HSBP1: variants seen among roughly 807,000 people sequenced by gnomAD.
The protein encoded by HSBP1 is heat shock factor-binding protein 1.
In HSBP1, 5 loss-of-function variants were observed where a neutral mutation model predicts 9.6. The ratio of observed to expected loss-of-function variants is 0.52; its 90% CI spans 0.27 to 1.09. The LOEUF (loss-of-function observed/expected upper bound fraction) is 1.09, where lower values mean the gene tolerates loss of function less well. Ranked by LOEUF, HSBP1 falls within the 50% of genes least tolerant of loss-of-function variation. HSBP1 has a pLI of 0.11. For synonymous variants in HSBP1, 42 were observed against 33.3 expected, an observed-to-expected ratio of 1.26 and a Z score of -0.90; for missense variants, 121 against 96.3, an observed-to-expected ratio of 1.26 and a Z score of -1.07.
In HSBP1 at chr16:83,818,748, G is replaced by A. The variant is rs1403865305; in HGVS notation, c.*7330G>A. On this transcript the variant is annotated 3_prime_UTR_variant, in exon 4 of 4. Coordinates refer to ENST00000433866, the MANE Select transcript of HSBP1 (RefSeq NM_001537.4). ...TTGCAGCGGCACCTAAGTCACTGAA[G>A]TTCTGGCAGAATTCATTCTCCTGCT... 1.3e-5 allele frequency: 2 copies of A among 152,228 alleles called. No homozygotes were observed. The highest frequency in any genetic ancestry group is 4.8e-5 in the African/African-American group (2 of 41,452). The allele number at this position is 152,228 out of a possible 1,614,324, so 9.4% of individuals were successfully genotyped here. A position where few individuals can be genotyped will look rare whatever the true frequency, so the allele number is the denominator to read the frequency against.
At position 83,815,747 on chromosome 16, in the gene HSBP1, C is replaced by G. The variant is rs1904705631; in HGVS notation, c.*4329C>G. On this transcript the variant is annotated 3_prime_UTR_variant, in exon 4 of 4. Coordinates refer to ENST00000433866, the MANE Select transcript of HSBP1 (RefSeq NM_001537.4). ...GACACCACATACATGAACTACATAC[C>G]TATCGTGTAGATGCTGCCCTGCCTC... is the stretch of plus-strand genomic sequence containing the variant. The G allele has an allele frequency of 6.6e-6, 1 of 152,160 alleles. No individual in the cohort carries two copies. The highest frequency in any genetic ancestry group is 1.9e-4 in the East Asian group (1 of 5,184). The allele number at this position is 152,160 out of a possible 1,614,324, so 9.4% of individuals were successfully genotyped here.
At position 83,817,597 on chromosome 16, in the gene HSBP1, A is replaced by C. The variant is rs1251364214; in HGVS notation, c.*6179A>C. 1 of 152,228 alleles carries C rather than the reference A, an allele frequency of 6.6e-6. No individual in the cohort carries two copies. The highest frequency in any genetic ancestry group is 1.5e-5 in the Non-Finnish European group (1 of 68,042). The allele number at this position is 152,228 out of a possible 1,614,324, so 9.4% of individuals were successfully genotyped here. ...ATTTGTAAACCATTGCTGTAGTTTT[A>C]TTACCTCTTACCTTGGTCTTTACAA... On this transcript the variant is annotated 3_prime_UTR_variant, in exon 4 of 4. Coordinates refer to ENST00000433866, the MANE Select transcript of HSBP1 (RefSeq NM_001537.4).
rs1250021146 is a variant in HSBP1 at position 83,818,373 on chromosome 16, C to T, written c.*6955C>T. ...CACAAAAACTCTGGAATCACTGACC[C>T]CAGACATTGTTCCCTGCCATCCACT... is the stretch of plus-strand genomic sequence containing the variant. On this transcript the variant is annotated 3_prime_UTR_variant, in exon 4 of 4. Coordinates refer to ENST00000433866, the MANE Select transcript of HSBP1 (RefSeq NM_001537.4). 1.3e-5 allele frequency: 2 copies of T among 152,164 alleles called. No individual in the cohort carries two copies. Among genetic ancestry groups the T allele is most frequent in the African/African-American group, 4.8e-5 (2 of 41,438 alleles). 9.4% of individuals were successfully genotyped at this position (152,164 alleles called of 1,614,324 possible).
Position 83,819,128 on chromosome 16 carries a change from G to A in HSBP1, c.*7710G>A, listed in dbSNP as rs1904783884. 2.0e-5 allele frequency: 3 copies of A among 152,030 alleles called. No individual in the cohort carries two copies. The highest frequency in any genetic ancestry group is 2.0e-4 in the Admixed American group (3 of 15,264). 9.4% of individuals were successfully genotyped at this position (152,030 alleles called of 1,614,324 possible). A position where few individuals can be genotyped will look rare whatever the true frequency, so the allele number is the denominator to read the frequency against. ...GTGTTGGGTTGCCCAACACCCTTTAGTCTAATGGCTTTAGGGTCAAATATG... is the reference window on the plus strand; with the variant it reads ...GTGTTGGGTTGCCCAACACCCTTTAATCTAATGGCTTTAGGGTCAAATATG... On this transcript the variant is annotated 3_prime_UTR_variant, in exon 4 of 4. Transcript: ENST00000433866.
chr16:83,809,532 G>C, intron 3 of HSBP1, 107 bp downstream of exon 3: 2 of 593,348 alleles, frequency 3.4e-6, no homozygotes, highest in East Asian at 6.1e-5. Flanking sequence ...GCAATGGCAC[G>C]ATCTCGGCTC....
At position 83,817,378 on chromosome 16, in the gene HSBP1, G is replaced by A. The variant is rs1278010965; in HGVS notation, c.*5960G>A. ...CAAAGGATTTCTGATTCCCTGATGG[G>A]TGATGACTCAGTAACCGGATTCAGC... On this transcript the variant is annotated 3_prime_UTR_variant, in exon 4 of 4. Coordinates refer to ENST00000433866, the MANE Select transcript of HSBP1 (RefSeq NM_001537.4). 6.6e-6 allele frequency: 1 copy of A among 152,242 alleles called. No homozygotes were observed. Among genetic ancestry groups the A allele is most frequent in the Admixed American group, 6.5e-5 (1 of 15,286 alleles). The allele number at this position is 152,242 out of a possible 1,614,324, so 9.4% of individuals were successfully genotyped here.
chr16:83,817,640 G>GC lies in HSBP1; in HGVS notation c.*6222_*6223insC, dbSNP rs1176803167. On this transcript the variant is annotated 3_prime_UTR_variant, in exon 4 of 4. Transcript: ENST00000433866. ...CTTTACAAGTTGCTGTCAAAACCCA[G>GC]TAAGTGTTTACAGAAAGAAACTTTA... 6.6e-6 allele frequency: 1 copy of GC among 152,162 alleles called. No individual in the cohort carries two copies. The highest frequency in any genetic ancestry group is 1.5e-5 in the Non-Finnish European group (1 of 68,032). The allele number at this position is 152,162 out of a possible 1,614,324, so 9.4% of individuals were successfully genotyped here. A position where few individuals can be genotyped will look rare whatever the true frequency, so the allele number is the denominator to read the frequency against.
rs896950508 is a variant in HSBP1, at chr16:83,811,550, A to G, written c.*132A>G. The G allele has an allele frequency of 5.3e-5, 8 of 152,338 alleles. No individual in the cohort carries two copies. The highest frequency in any genetic ancestry group is 3.9e-4 in the East Asian group (2 of 5,190). The allele number at this position is 152,338 out of a possible 1,614,324, so 9.4% of individuals were successfully genotyped here. A position where few individuals can be genotyped will look rare whatever the true frequency, so the allele number is the denominator to read the frequency against. On this transcript the variant is annotated 3_prime_UTR_variant, in exon 4 of 4. Transcript: ENST00000433866. ...AGTATGCATTCTTATCACCTAGTAT[A>G]TAGTTAGTTTGTAGAGTGATTTCCC... is the stretch of plus-strand genomic sequence containing the variant.
chr16:83,808,333 C>G (rs1156891802), intron 1 of HSBP1: 1 of 555,374 alleles, frequency 1.8e-6, no homozygotes, highest in East Asian at 3.3e-5. Flanking sequence ...AAGCCCGACC[C>G]CTTCCAGTAG....
chr16:83,814,386 G>C lies in HSBP1; in HGVS notation c.*2968G>C, dbSNP rs1904671260. On this transcript the variant is annotated 3_prime_UTR_variant, in exon 4 of 4. Transcript: ENST00000433866. ...CCAAGACGGGGAGTCAGGGGCACAA[G>C]GTCACAGCTGGTAATGATGACCCTG... 1 of 152,310 alleles carries C rather than the reference G, an allele frequency of 6.6e-6. No individual in the cohort carries two copies. Among genetic ancestry groups the C allele is most frequent in the African/African-American group, 2.4e-5 (1 of 41,440 alleles). The allele number at this position is 152,310 out of a possible 1,614,324, so 9.4% of individuals were successfully genotyped here. A position where few individuals can be genotyped will look rare whatever the true frequency, so the allele number is the denominator to read the frequency against.
chr16:83,808,877 CTG>C (rs1295271845), intron 2 of HSBP1, 131 bp downstream of exon 2: 4 of 702,398 alleles, frequency 5.7e-6, no homozygotes, highest in African/African-American at 5.4e-5. Flanking sequence ...TTGGATTGTA[CTG>C]TGTTTCTGAG....
chr16:83,809,366 G>A lies in HSBP1; in HGVS notation c.174G>A (p.Gln58=), dbSNP rs772791963. Residue 58 remains glutamine (Q), a synonymous_variant, in exon 3 of 4, where the codon CAG becomes CAA. Coordinates refer to ENST00000433866, the MANE Select transcript of HSBP1 (RefSeq NM_001537.4). ...AGAATATCGCGGACCTCATGACACA[G>A]GCTGGGGTGGAAGAACTGGAAAGTG... The part of the protein sequence containing the change: ...LEKNIADLMT[Q]AGVEELESEN... 1.7e-5 allele frequency: 28 copies of A among 1,605,636 alleles called. No homozygotes were observed. The highest frequency in any genetic ancestry group is 4.0e-5 in the African/African-American group (3 of 74,714).
At chr16:83,810,363 CTGTA>C (rs2151030666) in intron 3 of HSBP1, among the ~76,000 whole-genome samples, 1 of 152,096 alleles carries the variant, frequency 6.6e-6, no homozygotes, top group South Asian at 2.1e-4. Context: ...TCCTTTTCCT[CTGTA>C]TGTGTGAAAA....
chr16:83,808,496 C>T (rs1904515982), intron 1 of HSBP1, 184 bp from the exon 2 acceptor site: 2 of 592,792 alleles, frequency 3.4e-6, no homozygotes, highest in African/African-American at 1.9e-5. Context: ...CCTCCCCAGC[C>T]CAGCAGTCTA....
intron 3 of HSBP1, among the ~76,000 whole-genome samples, chr16:83,809,767 C>CT (rs1003551033): frequency 6.6e-5 from 10 of 150,954 alleles, no homozygotes; most frequent in Non-Finnish European, 1.0e-4. Context: ...CGTGCCCGGT[C>CT]TTTTTTTTTA....
At chr16:83,810,611 C>G (rs1450504104) in intron 3 of HSBP1, among the ~76,000 whole-genome samples, 1 of 148,620 alleles carries the variant, frequency 6.7e-6, no homozygotes, top group Non-Finnish European at 1.5e-5. Context: ...AGGCAGAGGG[C>G]AGATCAGTTG....
intron 1 of HSBP1, 81 bp from the exon 2 acceptor site, chr16:83,808,599 G>T: frequency 8.9e-7 from 1 of 1,129,632 alleles, no homozygotes; most frequent in South Asian, 1.3e-5. Flanking sequence ...TGGAACCCCG[G>T]GACCAGGGCT....
rs1904518758 is a variant in HSBP1, at chr16:83,808,587, G to C, written c.46-93G>C. On this transcript the variant is annotated intron_variant, in intron 1 of 3. Transcript: ENST00000433866. Reference sequence around the variant, plus strand: ...ACAGCTGTCCAGAGGCAGAAATGGGGCTGGAACCCCGGGACCAGGGCTTGC... The same window carrying C: ...ACAGCTGTCCAGAGGCAGAAATGGGCCTGGAACCCCGGGACCAGGGCTTGC... 16 of 966,504 alleles carry C rather than the reference G, an allele frequency of 1.7e-5. 2 individuals carry two copies. The South Asian group carries it at 2.2e-4, about 13-fold the overall frequency. 59.9% of individuals were successfully genotyped at this position (966,504 alleles called of 1,614,324 possible).
rs547673171 is a variant in HSBP1 at position 83,814,461 on chromosome 16, G to A, written c.*3043G>A. 84 of 151,878 alleles carry A rather than the reference G, an allele frequency of 5.5e-4. No individual in the cohort carries two copies. The highest frequency in any genetic ancestry group is 3.4e-3 in the Middle Eastern group (1 of 298). 9.4% of individuals were successfully genotyped at this position (151,878 alleles called of 1,614,324 possible). Reference sequence around the variant, plus strand: ...GCACCGCTCACAAACACAGCTGACCGTCTCACAGCTGCACACCTGCACCGC... The same window carrying A: ...GCACCGCTCACAAACACAGCTGACCATCTCACAGCTGCACACCTGCACCGC... On this transcript the variant is annotated 3_prime_UTR_variant, in exon 4 of 4. Coordinates refer to ENST00000433866, the MANE Select transcript of HSBP1 (RefSeq NM_001537.4).
Sources: gnomAD v4.1 joint callset for allele counts (sites outside exome capture counted in the v4.1 genomes callset) on GRCh38, gnomAD v4.1.1 for gene constraint, MANE v1.5 for transcripts, NCBI Gene and HGNC (gene_info 2026-07-23, HGNC 2026-07-21) for gene names.